The following JAKMIP2 variants were observed in gnomAD, a reference collection of about 807,000 sequenced individuals.
The protein encoded by JAKMIP2 is janus kinase and microtubule interacting protein 2.
In JAKMIP2, 25 loss-of-function variants were observed where a neutral mutation model predicts 115.0. That is an observed-to-expected ratio of 0.22 (90% CI 0.16 to 0.30). JAKMIP2 has a LOEUF of 0.30. JAKMIP2 is among the 10% of genes least tolerant of loss of function. The pLI, the probability that JAKMIP2 is intolerant of heterozygous loss-of-function variation, is 1.00. For synonymous variants in JAKMIP2, 334 were observed against 343.6 expected, an observed-to-expected ratio of 0.97 and a Z score of 0.31; for missense variants, 642 against 957.6, an observed-to-expected ratio of 0.67 and a Z score of 4.35.
At chr5:147,745,035 C>T (rs990777779) in intron 1 of JAKMIP2, among the ~76,000 whole-genome samples, 19 of 132,250 alleles carry the variant, frequency 1.4e-4, no homozygotes, top group African/African-American at 5.4e-4. Flanking sequence ...TCCAACCTGG[C>T]AACAGAGCTA....
chr5:147,623,988 C>T lies in JAKMIP2; in HGVS notation c.1996-299G>A, dbSNP rs555295760. Among the ~76,000 whole-genome samples, 24 of 152,202 alleles carry T rather than the reference C, an allele frequency of 1.6e-4. No homozygotes were observed. The South Asian group carries it at 5.0e-3, about 32-fold the overall frequency. ...TAGCTGGGATTACAGGCGCCTGCCA[C>T]CACGCCTGGCTAATTTTTGTATTTT... On this transcript the variant is annotated intron_variant, in intron 16 of 21. Coordinates refer to ENST00000616793, the MANE Select transcript of JAKMIP2 (RefSeq NM_001270941.2).
chr5:147,716,400 G>C (rs1441583155), intron 1 of JAKMIP2, among the ~76,000 whole-genome samples: 1 of 147,284 alleles, frequency 6.8e-6, no homozygotes, highest in African/African-American at 2.5e-5. Context: ...TCTAGTTCTA[G>C]ATCCCTGAGG....
intron 2 of JAKMIP2, among the ~76,000 whole-genome samples, chr5:147,669,300 C>A (rs1178563713): frequency 6.6e-6 from 1 of 152,116 alleles, no homozygotes; most frequent in African/African-American, 2.4e-5. Context: ...TAATTAACTG[C>A]CAAGGAGAGG....
chr5:147,760,271 C>A (rs549024773), intron 1 of JAKMIP2, among the ~76,000 whole-genome samples: 1 of 151,988 alleles, frequency 6.6e-6, no homozygotes, highest in Admixed American at 6.6e-5. Flanking sequence ...TGGTGTTATC[C>A]TAGAGATGCA....
At chr5:147,740,351 A>G (rs914797345) in intron 1 of JAKMIP2, among the ~76,000 whole-genome samples, 1 of 152,254 alleles carries the variant, frequency 6.6e-6, no homozygotes, top group Admixed American at 6.5e-5. Context: ...CCTAACAAAA[A>G]TCTATTGATT....
At chr5:147,622,149 G>T (rs939136198) in intron 17 of JAKMIP2, among the ~76,000 whole-genome samples, 4 of 152,236 alleles carry the variant, frequency 2.6e-5, no homozygotes, top group Non-Finnish European at 5.9e-5. Context: ...TTATAGGCAT[G>T]AGCCACTGTG....
chr5:147,703,129 T>A (rs1459710364), intron 1 of JAKMIP2, among the ~76,000 whole-genome samples: 1 of 152,074 alleles, frequency 6.6e-6, no homozygotes, highest in African/African-American at 2.4e-5. Flanking sequence ...CATGTGTAAT[T>A]TAATAAGGGA....
intron 1 of JAKMIP2, among the ~76,000 whole-genome samples, chr5:147,757,760 T>A (rs1205488881): frequency 6.6e-6 from 1 of 152,136 alleles, no homozygotes; most frequent in East Asian, 1.9e-4. Context: ...AGCAATTTTT[T>A]AAAAATCCTG....
In JAKMIP2 at chr5:147,612,388, A is replaced by C; in HGVS notation, c.2347-17T>G. On this transcript the variant is annotated splice_polypyrimidine_tract_variant and intron_variant, in intron 19 of 21. Coordinates refer to ENST00000616793, the MANE Select transcript of JAKMIP2 (RefSeq NM_001270941.2). The stretch of plus-strand genomic sequence containing the variant: ...ACGAATTCTCTGAAGAAAGAAAAGA[A>C]AAGAAAGAAAGCATCAGTAGGTGGT... 6.8e-7 allele frequency: 1 copy of C among 1,477,960 alleles called. No homozygotes were observed. The highest frequency in any genetic ancestry group is 1.4e-5 in the African/African-American group (1 of 71,336). 91.6% of individuals were successfully genotyped at this position (1,477,960 alleles called of 1,614,324 possible). A position where few individuals can be genotyped will look rare whatever the true frequency, so the allele number is the denominator to read the frequency against.
chr5:147,672,574 C>T (rs1475552979), intron 1 of JAKMIP2, among the ~76,000 whole-genome samples: 1 of 152,156 alleles, frequency 6.6e-6, no homozygotes, highest in Non-Finnish European at 1.5e-5. Flanking sequence ...ATCTATCTAT[C>T]TATCTATCTA....
intron 21 of JAKMIP2, among the ~76,000 whole-genome samples, chr5:147,593,761 G>C (rs774217481): frequency 1.3e-5 from 2 of 152,086 alleles, no homozygotes; most frequent in Non-Finnish European, 2.9e-5. Flanking sequence ...AATAGATTGA[G>C]TACATATTTA....
At chr5:147,778,262 G>GC (rs1755635825) in intron 1 of JAKMIP2, among the ~76,000 whole-genome samples, 1 of 152,024 alleles carries the variant, frequency 6.6e-6, no homozygotes, top group South Asian at 2.1e-4. Flanking sequence ...TCTCTAAAAT[G>GC]CTTTTTGTGT....
intron 2 of JAKMIP2, chr5:147,661,683 G>A (rs1255446189): frequency 2.1e-6 from 1 of 482,360 alleles, no homozygotes; most frequent in Admixed American, 3.8e-5. Context: ...GATGTTCTGG[G>A]GCCTTACTAT....
At chr5:147,764,954 G>C (rs1376242686) in intron 1 of JAKMIP2, among the ~76,000 whole-genome samples, 2 of 74,916 alleles carry the variant, frequency 2.7e-5, no homozygotes, top group Non-Finnish European at 2.4e-5. Context: ...GAGGGAGAGA[G>C]AGAGAGAGAG....
chr5:147,602,777 T>C (rs148673421), intron 20 of JAKMIP2, among the ~76,000 whole-genome samples: 220 of 152,354 alleles, frequency 1.4e-3, no homozygotes, highest in African/African-American at 5.0e-3. Context: ...AACATACCGT[T>C]GGACACATCT....
At chr5:147,700,665 G>A (rs1018393002) in intron 1 of JAKMIP2, among the ~76,000 whole-genome samples, 1 of 152,128 alleles carries the variant, frequency 6.6e-6, no homozygotes, top group Non-Finnish European at 1.5e-5. Context: ...GCTTTGATCA[G>A]AACCAAGTCT....
Position 147,589,867 on chromosome 5 carries a change from T to C in JAKMIP2, c.*1840A>G, listed in dbSNP as rs1232173436. 6.6e-6 allele frequency: 1 copy of C among 152,226 alleles called. No individual in the cohort carries two copies. Among genetic ancestry groups the C allele is most frequent in the African/African-American group, 2.4e-5 (1 of 41,464 alleles). The allele number at this position is 152,226 out of a possible 1,614,324, so 9.4% of individuals were successfully genotyped here. Reference sequence around the variant, plus strand: ...TATTTTATTACATGAGGGAATCTTTTTGTCAACAACACAAGAAAGTCAAAT... The same window carrying C: ...TATTTTATTACATGAGGGAATCTTTCTGTCAACAACACAAGAAAGTCAAAT... On this transcript the variant is annotated 3_prime_UTR_variant, in exon 22 of 22. Transcript: ENST00000616793.
intron 1 of JAKMIP2, among the ~76,000 whole-genome samples, chr5:147,736,142 A>G (rs1490925196): frequency 1.3e-5 from 2 of 152,062 alleles, no homozygotes; most frequent in Non-Finnish European, 2.9e-5. Flanking sequence ...TAGTTTATCT[A>G]TTTCCTGATT....
intron 2 of JAKMIP2, among the ~76,000 whole-genome samples, chr5:147,670,508 C>T (rs1033293135): frequency 2.0e-5 from 3 of 152,046 alleles, no homozygotes; most frequent in Non-Finnish European, 4.4e-5. Flanking sequence ...ATTCATACCA[C>T]CTTGGTGAGA....
Sources: gnomAD v4.1 joint callset for allele counts (sites outside exome capture counted in the v4.1 genomes callset) on GRCh38, gnomAD v4.1.1 for gene constraint, MANE v1.5 for transcripts, NCBI Gene and HGNC (gene_info 2026-07-23, HGNC 2026-07-21) for gene names.